The following ZRANB3 variants were observed in gnomAD, a reference collection of about 807,000 sequenced individuals.
ZRANB3 encodes the protein zinc finger RANBP2-type containing 3, also known as DNA annealing helicase and endonuclease ZRANB3.
Under a neutral mutation model 133.8 loss-of-function variants are expected in ZRANB3, and 125 were observed. The ratio of observed to expected loss-of-function variants is 0.93; its 90% CI spans 0.81 to 1.08. The LOEUF is 1.08. Among genes scored for constraint, ZRANB3 ranks in the 50% least tolerant of loss-of-function variants. The pLI is 0.00. For synonymous variants in ZRANB3, 387 were observed against 432.7 expected (o/e 0.89, Z 1.31); for missense variants, 1,229 against 1,275.5 (o/e 0.96, Z 0.56).
chr2:135,345,599 A>G lies in ZRANB3; in HGVS notation c.628T>C (p.Phe210Leu), dbSNP rs757051675. ...MQIEALFPQKFGRWTDYAKRY... is the reference protein window; with the variant it reads ...MQIEALFPQKLGRWTDYAKRY... ...TTTGCATAGTCGGTCCATCTTCCAA[A>G]TTTTTGTGGAAAGAGAGCTTCAATC... The change falls in exon 6 of 21, where the codon TTT becomes CTT. Residue 210 changes from phenylalanine to leucine, a missense_variant. By Grantham distance (22) the Phe-to-Leu change is conservative. Coordinates refer to ENST00000264159, the MANE Select transcript of ZRANB3 (RefSeq NM_032143.4). 40 of 1,612,818 alleles carry G rather than the reference A, an allele frequency of 2.5e-5. No individual in the cohort carries two copies. The South Asian group carries it at 4.3e-4, about 17-fold the overall frequency.
chr2:135,480,612 TTTATTA>T (rs913384726), intron 2 of ZRANB3, among the ~76,000 whole-genome samples: 19 of 151,730 alleles, frequency 1.3e-4, no homozygotes, highest in South Asian at 4.2e-4. Context: ...TTTTTAATCT[TTTATTA>T]TTATTATTAT....
chr2:135,398,218 A>C (rs1332975215), intron 2 of ZRANB3, among the ~76,000 whole-genome samples: 2 of 151,802 alleles, frequency 1.3e-5, no homozygotes, highest in Non-Finnish European at 1.5e-5. Flanking sequence ...GGTGCCCGCC[A>C]CCACACCCGG....
intron 2 of ZRANB3, among the ~76,000 whole-genome samples, chr2:135,408,319 G>A (rs890719333): frequency 3.3e-5 from 5 of 152,032 alleles, no homozygotes; most frequent in African/African-American, 1.2e-4. Context: ...AAAAAGTCAG[G>A]AAACAACAGG....
chr2:135,246,645 C>T (rs534984979), intron 12 of ZRANB3, among the ~76,000 whole-genome samples: 2 of 152,284 alleles, frequency 1.3e-5, no homozygotes, highest in Admixed American at 6.5e-5. Context: ...ACAACACGCC[C>T]ATGTCATAAG....
chr2:135,254,105 G>C (rs748477676), intron 12 of ZRANB3, among the ~76,000 whole-genome samples: 23 of 152,088 alleles, frequency 1.5e-4, no homozygotes, highest in Non-Finnish European at 2.8e-4. Context: ...TATTTGTGTA[G>C]ATTTTGCATT....
rs549934743 is a variant in ZRANB3, at chr2:135,436,105, T to C, written c.162-45285A>G. Among the ~76,000 whole-genome samples, 3 of 152,344 alleles carry C rather than the reference T, an allele frequency of 2.0e-5. No individual in the cohort carries two copies. The South Asian group carries it at 6.2e-4, about 32-fold the overall frequency. ...TGCCTAGATTGTCTTCCAGGCTTTT[T>C]ATAGTTTTGGGTTTTACATTTGAGT... On this transcript the variant is annotated intron_variant, in intron 2 of 20. Coordinates refer to ENST00000264159, the MANE Select transcript of ZRANB3 (RefSeq NM_032143.4).
intron 18 of ZRANB3, among the ~76,000 whole-genome samples, 168 bp from the exon 19 acceptor site, chr2:135,208,004 A>C (rs191117712): frequency 2.0e-5 from 3 of 152,350 alleles, no homozygotes; most frequent in Admixed American, 2.0e-4. Flanking sequence ...TGCCAAGTAA[A>C]GAAGAATGGT....
In ZRANB3 at chr2:135,450,107, T is replaced by C. The variant is rs111794907; in HGVS notation, c.161+54222A>G. On this transcript the variant is annotated intron_variant, in intron 2 of 20. Transcript: ENST00000264159. ...TTAAGTCCACAATAAGTGGTAGAGCTGATAATGAAACCAACATCTGTCTCC... is the reference window on the plus strand; with the variant it reads ...TTAAGTCCACAATAAGTGGTAGAGCCGATAATGAAACCAACATCTGTCTCC... Among the ~76,000 whole-genome samples, 204 of 152,174 alleles carry C rather than the reference T, an allele frequency of 1.3e-3. 3 individuals carry two copies. The highest frequency in any genetic ancestry group is 4.8e-3 in the African/African-American group (199 of 41,514).
chr2:135,380,565 T>G (rs189965949), intron 3 of ZRANB3, among the ~76,000 whole-genome samples: 1 of 152,262 alleles, frequency 6.6e-6, no homozygotes, highest in African/African-American at 2.4e-5. Context: ...GAATGACTAC[T>G]GGTTAAATAG....
intron 2 of ZRANB3, among the ~76,000 whole-genome samples, chr2:135,474,110 G>C (rs757471763): frequency 3.3e-5 from 5 of 152,082 alleles, no homozygotes; most frequent in Admixed American, 6.6e-5. Flanking sequence ...AGGATCACAT[G>C]AGCCTGGAAA....
At chr2:135,380,527 C>T (rs567556053) in intron 3 of ZRANB3, among the ~76,000 whole-genome samples, 214 of 152,266 alleles carry the variant, frequency 1.4e-3, no homozygotes, top group Middle Eastern at 6.8e-3. Flanking sequence ...AACTTCACAA[C>T]TACATGGAAA....
At chr2:135,438,943 G>T (rs77772233) in intron 2 of ZRANB3, among the ~76,000 whole-genome samples, 246 of 152,166 alleles carry the variant, frequency 1.6e-3, no homozygotes, top group African/African-American at 5.7e-3. Flanking sequence ...GCTGATACAG[G>T]CTGAGTCAGA....
intron 2 of ZRANB3, among the ~76,000 whole-genome samples, chr2:135,498,263 G>A (rs1283003656): frequency 6.6e-6 from 1 of 152,000 alleles, no homozygotes; most frequent in Non-Finnish European, 1.5e-5. Flanking sequence ...CCAAATGGAG[G>A]GACCGGCTGA....
intron 2 of ZRANB3, among the ~76,000 whole-genome samples, chr2:135,441,164 C>A (rs1027620574): frequency 6.6e-6 from 1 of 152,032 alleles, no homozygotes; most frequent in African/African-American, 2.4e-5. Context: ...ACAAAAGAAG[C>A]CCACATAGAT....
At position 135,202,851 on chromosome 2, in the gene ZRANB3, CAG is replaced by C. The variant is rs1234919425; in HGVS notation, c.3120_3121del (p.Cys1041HisfsTer13). ...ACTGACCTCTTTGTGACAGACTGTG[CAG>C]AGAGTCTGCAGGTTGTCCAGGGAAC... On this transcript the variant is annotated frameshift_variant, in exon 20 of 21. Coordinates refer to ENST00000264159, the MANE Select transcript of ZRANB3 (RefSeq NM_032143.4). LOFTEE classifies it high-confidence loss of function. 2.5e-6 allele frequency: 4 copies of C among 1,608,990 alleles called. No individual in the cohort carries two copies. The highest frequency in any genetic ancestry group is 1.7e-5 in the Admixed American group (1 of 59,316).
chr2:135,380,732 G>A (rs1017480920), intron 3 of ZRANB3, among the ~76,000 whole-genome samples: 3 of 152,068 alleles, frequency 2.0e-5, no homozygotes, highest in Non-Finnish European at 4.4e-5. Flanking sequence ...AAATTGACAC[G>A]CTAACATCAC....
chr2:135,530,152 G>T (rs1694423775), intron 1 of ZRANB3, among the ~76,000 whole-genome samples: 1 of 150,774 alleles, frequency 6.6e-6, no homozygotes, highest in Admixed American at 6.6e-5. Flanking sequence ...GCGTGAATCA[G>T]TGAGCCAAGA....
chr2:135,484,043 A>G (rs557378592), intron 2 of ZRANB3, among the ~76,000 whole-genome samples: 73 of 152,182 alleles, frequency 4.8e-4, no homozygotes, highest in Middle Eastern at 6.8e-3. Flanking sequence ...TATGTGGTCA[A>G]TTTTGGAATA....
chr2:135,449,590 A>G (rs1690176739), intron 2 of ZRANB3, among the ~76,000 whole-genome samples: 1 of 152,222 alleles, frequency 6.6e-6, no homozygotes, highest in African/African-American at 2.4e-5. Context: ...ACTACACTCC[A>G]GCTTGGGTAA....
Sources: gnomAD v4.1 joint callset for allele counts (sites outside exome capture counted in the v4.1 genomes callset) on GRCh38, gnomAD v4.1.1 for gene constraint, MANE v1.5 for transcripts, NCBI Gene and HGNC (gene_info 2026-07-23, HGNC 2026-07-21) for gene names.